OXCT1: variants seen among roughly 807,000 people sequenced by gnomAD.
OXCT1 encodes succinyl-CoA:3-ketoacid coenzyme A transferase 1, mitochondrial.
In OXCT1, 27 loss-of-function variants were observed where a neutral mutation model predicts 69.6. That is an observed-to-expected ratio of 0.39 (90% CI 0.29 to 0.54). The LOEUF is 0.54. OXCT1 is among the 20% of genes least tolerant of loss of function. The pLI is 0.72. For missense variants in OXCT1, 437 were observed against 650.2 expected (o/e 0.67, Z 3.57); for synonymous variants, 202 against 217.8 (o/e 0.93, Z 0.64).
chr5:41,784,646 T>A (rs768943679), intron 13 of OXCT1, among the ~76,000 whole-genome samples: 2 of 152,212 alleles, frequency 1.3e-5, no homozygotes, highest in African/African-American at 2.4e-5. Flanking sequence ...GCCACAGATG[T>A]GAACTTGAAT....
intron 14 of OXCT1, among the ~76,000 whole-genome samples, chr5:41,752,748 C>G (rs948638569): frequency 3.3e-5 from 5 of 151,936 alleles, no homozygotes; most frequent in African/African-American, 1.2e-4. Flanking sequence ...TGGTCTCAAA[C>G]AAACAAACAA....
chr5:41,804,981 G>T (rs1307452844), intron 9 of OXCT1, among the ~76,000 whole-genome samples: 3 of 152,022 alleles, frequency 2.0e-5, no homozygotes, highest in Non-Finnish European at 4.4e-5. Flanking sequence ...GAACAGATTT[G>T]TTATTTAAAT....
In OXCT1 at chr5:41,807,420, T is replaced by C. The variant is rs1230432535; in HGVS notation, c.751A>G (p.Ile251Val). 3.1e-6 allele frequency: 5 copies of C among 1,593,684 alleles called. No individual in the cohort carries two copies. The East Asian group carries it at 8.9e-5, about 28-fold the overall frequency. ...ATGTCTTCTGGAGCAAATGCTCCAA[T>C]ATCCACAATTTCTTCAACCTAGACA... ...TVVEVEEIVD[I>V]GAFAPEDIHI... The change falls in exon 8 of 17, where the codon ATT (isoleucine) becomes GTT (valine). Residue 251 changes from isoleucine to valine, a missense_variant. Coordinates refer to ENST00000196371, the MANE Select transcript of OXCT1 (RefSeq NM_000436.4).
intron 14 of OXCT1, among the ~76,000 whole-genome samples, chr5:41,759,733 C>T (rs1173635169): frequency 6.6e-6 from 1 of 152,050 alleles, no homozygotes; most frequent in Non-Finnish European, 1.5e-5. Context: ...TTATAAACAA[C>T]CTGCAAATTA....
intron 8 of OXCT1, among the ~76,000 whole-genome samples, chr5:41,806,131 A>T (rs572250156): frequency 6.6e-6 from 1 of 152,056 alleles, no homozygotes; most frequent in Admixed American, 6.6e-5. Context: ...TATTTTTACC[A>T]CAAATGCACC....
In OXCT1 at chr5:41,760,227, T is replaced by G. The variant is rs772503629; in HGVS notation, c.1338+1884A>C. Among the ~76,000 whole-genome samples the G allele has an allele frequency of 5.3e-5, 8 of 152,254 alleles. No individual in the cohort carries two copies. In the East Asian group the frequency reaches 1.4e-3, roughly 26 times the overall value. ...GTAAAATGTGTGAGAAGAGAAACTG[T>G]TGATTATTTTTCAAAGGTTAACTGT... On this transcript the variant is annotated intron_variant, in intron 14 of 16. Transcript: ENST00000196371.
chr5:41,865,957 T>C (rs1052422508), intron 1 of OXCT1, among the ~76,000 whole-genome samples: 3 of 151,722 alleles, frequency 2.0e-5, no homozygotes, highest in Admixed American at 6.6e-5. Context: ...TATAAATGTA[T>C]ATATTTATGC....
At chr5:41,739,870 CAAAAAA>C (rs770217745) in intron 15 of OXCT1, 2 of 76,762 alleles carry the variant, frequency 2.6e-5, no homozygotes, top group Non-Finnish European at 2.8e-5. Flanking sequence ...GACTCTGTCT[CAAAAAA>C]AAAAAAAAAA....
intron 11 of OXCT1, among the ~76,000 whole-genome samples, chr5:41,797,021 A>G (rs1044688265): frequency 2.0e-5 from 3 of 152,256 alleles, no homozygotes. Flanking sequence ...ACTAAACCTT[A>G]TTCTAGACAC....
intron 16 of OXCT1, among the ~76,000 whole-genome samples, chr5:41,734,161 AG>A (rs994921817): frequency 6.6e-6 from 1 of 152,238 alleles, no homozygotes; most frequent in Non-Finnish European, 1.5e-5. Flanking sequence ...AATAAAGCCA[AG>A]GCTCTTGGGA....
intron 1 of OXCT1, 33 bp from the exon 2 acceptor site, chr5:41,862,783 T>C: frequency 7.9e-7 from 1 of 1,265,854 alleles, no homozygotes; most frequent in South Asian, 1.2e-5. Flanking sequence ...TTGATAATCA[T>C]TTGGAGATAC....
chr5:41,774,077 G>A (rs138379714), intron 13 of OXCT1, among the ~76,000 whole-genome samples: 21 of 152,262 alleles, frequency 1.4e-4, no homozygotes, highest in African/African-American at 4.8e-4. Context: ...GAACTCAAGT[G>A]TGGCAAAATA....
intron 15 of OXCT1, among the ~76,000 whole-genome samples, chr5:41,746,726 A>G (rs970114985): frequency 6.6e-6 from 1 of 152,022 alleles, no homozygotes; most frequent in Non-Finnish European, 1.5e-5. Flanking sequence ...GCAATATCTG[A>G]CTGGGTATTC....
chr5:41,851,745 C>T (rs970355461), intron 4 of OXCT1, among the ~76,000 whole-genome samples: 12 of 152,044 alleles, frequency 7.9e-5, no homozygotes, highest in South Asian at 2.1e-4. Context: ...TAATGATGTA[C>T]GTACTTTCTG....
intron 7 of OXCT1, among the ~76,000 whole-genome samples, chr5:41,825,545 C>T (rs1016129793): frequency 6.6e-6 from 1 of 152,202 alleles, no homozygotes; most frequent in Admixed American, 6.5e-5. Flanking sequence ...GAAAACACTT[C>T]CTTCCACATA....
rs368518550 is a variant in OXCT1, at chr5:41,776,299, A to C, written c.1249-14099T>G. Among the ~76,000 whole-genome samples, 30 of 152,330 alleles carry C rather than the reference A, an allele frequency of 2.0e-4. 1 individual carries two copies. The South Asian group carries it at 6.0e-3, about 30-fold the overall frequency. Reference sequence around the variant, plus strand: ...CAGAGAAGGCTAGGGAGCTATGACAACTAAAAGCAATGCAGTACCCTGAAC... The same window carrying C: ...CAGAGAAGGCTAGGGAGCTATGACACCTAAAAGCAATGCAGTACCCTGAAC... On this transcript the variant is annotated intron_variant, in intron 13 of 16. Transcript: ENST00000196371.
chr5:41,762,908 C>T lies in OXCT1; in HGVS notation c.1249-708G>A, dbSNP rs1744417588. On this transcript the variant is annotated intron_variant, in intron 13 of 16. Transcript: ENST00000196371. The surrounding 1 kb of genome is among the most constrained non-coding windows in gnomAD (Gnocchi z 4.0). The stretch of plus-strand genomic sequence containing the variant: ...TACCACATGCTCTGAAAAAGTCCAT[C>T]CGTCTATTCTGTCTCCTGCTTACAG... Among the ~76,000 whole-genome samples the T allele has an allele frequency of 6.6e-6, 1 of 152,094 alleles. No homozygotes were observed. Among genetic ancestry groups the T allele is most frequent in the African/African-American group, 2.4e-5 (1 of 41,432 alleles).
At chr5:41,831,560 G>A (rs921041935) in intron 7 of OXCT1, among the ~76,000 whole-genome samples, 2 of 152,112 alleles carry the variant, frequency 1.3e-5, no homozygotes, top group African/African-American at 4.8e-5. Context: ...GTTTTGCTTT[G>A]TTCACTGCTG....
intron 14 of OXCT1, among the ~76,000 whole-genome samples, chr5:41,757,360 T>C (rs986089627): frequency 6.6e-6 from 1 of 152,008 alleles, no homozygotes; most frequent in African/African-American, 2.4e-5. Flanking sequence ...ATACATCCCA[T>C]GGGAAGCCTC....
Sources: allele counts gnomAD v4.1 joint callset (sites outside exome capture counted in the v4.1 genomes callset), GRCh38; gene constraint gnomAD v4.1.1; non-coding constraint Gnocchi (gnomAD v3.1); transcripts MANE v1.5; gene names NCBI Gene and HGNC (gene_info 2026-07-23, HGNC 2026-07-21).